The following CWC27 variants were observed in gnomAD, a reference collection of about 807,000 sequenced individuals.
The protein encoded by CWC27 is CWC27 spliceosome associated cyclophilin, also known as spliceosome-associated protein CWC27 homolog.
Under a neutral mutation model 63.6 loss-of-function variants are expected in CWC27, and 47 were observed. The observed-to-expected ratio is 0.74, with a 90% CI of 0.58 to 0.94. The LOEUF is 0.94. Among genes scored for constraint, CWC27 ranks in the 40% least tolerant of loss-of-function variants. CWC27 has a pLI of 0.00. For missense variants in CWC27, 495 were observed against 554.3 expected, an observed-to-expected ratio of 0.89 and a Z score of 1.07; for synonymous variants, 175 against 179.8, an observed-to-expected ratio of 0.97 and a Z score of 0.22.
chr5:64,868,602 T>C (rs1291459945), intron 10 of CWC27, among the ~76,000 whole-genome samples: 1 of 152,012 alleles, frequency 6.6e-6, no homozygotes, highest in Non-Finnish European at 1.5e-5. Context: ...AGACCAGCAA[T>C]CTGTGTTTTA....
intron 11 of CWC27, among the ~76,000 whole-genome samples, chr5:64,891,765 G>A (rs1747242562): frequency 7.2e-6 from 1 of 138,314 alleles, no homozygotes; most frequent in African/African-American, 2.8e-5. Context: ...GTGTTGCTTG[G>A]GATACTTTGT....
At chr5:64,949,135 A>C (rs1748651536) in intron 11 of CWC27, among the ~76,000 whole-genome samples, 1 of 151,522 alleles carries the variant, frequency 6.6e-6, no homozygotes, top group Non-Finnish European at 1.5e-5. Context: ...TTTTTTTTTT[A>C]GGAACCTTGG....
chr5:64,959,498 G>A (rs548640906), intron 11 of CWC27, among the ~76,000 whole-genome samples: 1 of 152,310 alleles, frequency 6.6e-6, no homozygotes, highest in East Asian at 1.9e-4. Flanking sequence ...CTCCTCAGGA[G>A]AGATGGTAAA....
At chr5:64,804,520 A>G in intron 10 of CWC27, 134 bp downstream of exon 10, 4 of 952,186 alleles carry the variant, frequency 4.2e-6, no homozygotes, top group Non-Finnish European at 4.5e-6. Flanking sequence ...CAGTTGTACA[A>G]ATTGGCCCAT....
Position 64,792,150 on chromosome 5 carries a change from C to G in CWC27, c.669+3130C>G, listed in dbSNP as rs537945814. The stretch of plus-strand genomic sequence containing the variant: ...TTCAAGATTCTGCTTTCATGACTGT[C>G]CTTCACCAACTCTGCTCTTTCGACT... On this transcript the variant is annotated intron_variant, in intron 7 of 13. Transcript: ENST00000381070. 7.2e-5 allele frequency among the ~76,000 whole-genome samples: 11 copies of G among 152,230 alleles called. No homozygotes were observed. In the East Asian group the frequency reaches 1.5e-3, roughly 21 times the overall value.
At chr5:64,965,050 T>C (rs978982136) in intron 11 of CWC27, among the ~76,000 whole-genome samples, 13 of 152,054 alleles carry the variant, frequency 8.5e-5, no homozygotes, top group Admixed American at 6.6e-5. Context: ...GATCGCGCCA[T>C]TGCACTCCAG....
Position 64,877,254 on chromosome 5 carries a change from T to A in CWC27, c.939-8189T>A, listed in dbSNP as rs78285404. 1.5e-3 allele frequency among the ~76,000 whole-genome samples: 230 copies of A among 152,122 alleles called. 4 individuals are homozygous for A. In the East Asian group the frequency reaches 0.04, roughly 26 times the overall value. ...GCCATAAAAGGATGAAATCCTATCA[T>A]TTGCAGCAACGTGGAAGGAACAAGA... On this transcript the variant is annotated intron_variant, in intron 10 of 13. Transcript: ENST00000381070.
intron 13 of CWC27, among the ~76,000 whole-genome samples, chr5:64,991,968 T>C (rs1489572224): frequency 6.6e-6 from 1 of 152,206 alleles, no homozygotes; most frequent in African/African-American, 2.4e-5. Context: ...ATAACCGACA[T>C]ACTAGGAACC....
chr5:65,003,700 T>C (rs1337255487), intron 13 of CWC27, among the ~76,000 whole-genome samples: 3 of 152,210 alleles, frequency 2.0e-5, no homozygotes, highest in Non-Finnish European at 4.4e-5. Context: ...ATCTGTTTTC[T>C]TTTAGCATTT....
At position 64,977,154 on chromosome 5, in the gene CWC27, A is replaced by G; in HGVS notation, c.1172A>G (p.Gln391Arg). Residue 391 changes from glutamine (Q) to arginine (R), a missense_variant, in exon 13 of 14, where the codon CAG (glutamine) becomes CGG (arginine). Gln to Arg is a conservative substitution (Grantham distance 43). Coordinates refer to ENST00000381070, the MANE Select transcript of CWC27 (RefSeq NM_005869.4). The part of the protein sequence containing the change: ...REDQTLALLN[Q>R]FKSKLTQAIA... ...TTTCAGACCCTTGCACTGCTGAACC[A>G]GTTTAAATCTAAACTCACTCAAGCA... 6.2e-7 allele frequency: 1 copy of G among 1,610,478 alleles called. No homozygotes were observed. The highest frequency in any genetic ancestry group is 8.5e-7 in the Non-Finnish European group (1 of 1,177,824).
intron 10 of CWC27, among the ~76,000 whole-genome samples, chr5:64,866,096 T>C (rs2112318061): frequency 6.6e-6 from 1 of 152,120 alleles, no homozygotes; most frequent in African/African-American, 2.4e-5. Flanking sequence ...GTCAAGGAGA[T>C]TTTTTAATTA....
chr5:64,864,079 AT>A (rs371835206), intron 10 of CWC27, among the ~76,000 whole-genome samples: 1 of 152,046 alleles, frequency 6.6e-6, no homozygotes, highest in African/African-American at 2.4e-5. Context: ...CATAATTCTT[AT>A]TTTTTTATTA....
At chr5:64,808,135 T>G in intron 10 of CWC27, 2 of 1,062,876 alleles carry the variant, frequency 1.9e-6, no homozygotes, top group South Asian at 6.4e-5. Flanking sequence ...TGGGAACTTG[T>G]TAGAAATACC....
chr5:64,882,355 A>T (rs1274879392), intron 10 of CWC27, among the ~76,000 whole-genome samples: 1 of 152,178 alleles, frequency 6.6e-6, no homozygotes, highest in Non-Finnish European at 1.5e-5. Context: ...GGACATAAAG[A>T]ATTTGTAATT....
intron 11 of CWC27, among the ~76,000 whole-genome samples, chr5:64,918,072 A>C (rs934045428): frequency 3.9e-5 from 6 of 152,182 alleles, no homozygotes; most frequent in African/African-American, 1.4e-4. Flanking sequence ...GTTTTTTAGC[A>C]TCTGAGTTTC....
chr5:64,799,251 G>T (rs1324510357), intron 7 of CWC27, among the ~76,000 whole-genome samples: 2 of 152,096 alleles, frequency 1.3e-5, no homozygotes, highest in African/African-American at 2.4e-5. Context: ...AGAAGAGAGG[G>T]TTAGCAATGC....
chr5:64,777,136 G>A (rs752835860), intron 2 of CWC27, among the ~76,000 whole-genome samples: 2 of 152,072 alleles, frequency 1.3e-5, no homozygotes, highest in Non-Finnish European at 2.9e-5. Context: ...GGGGAGCAGA[G>A]GGAGAAGTGG....
At chr5:64,786,282 A>G (rs1048384279) in intron 5 of CWC27, among the ~76,000 whole-genome samples, 8 of 152,012 alleles carry the variant, frequency 5.3e-5, no homozygotes, top group African/African-American at 1.4e-4. Context: ...TTTCTTAAAT[A>G]TTTTTCCCTT....
intron 10 of CWC27, among the ~76,000 whole-genome samples, chr5:64,871,510 AT>A (rs1438368050): frequency 6.6e-6 from 1 of 152,078 alleles, no homozygotes; most frequent in Admixed American, 6.6e-5. Flanking sequence ...AACTAACAGG[AT>A]TTTAGGATGT....
Sources: gnomAD v4.1 joint callset for allele counts (sites outside exome capture counted in the v4.1 genomes callset) on GRCh38, gnomAD v4.1.1 for gene constraint, MANE v1.5 for transcripts, NCBI Gene and HGNC (gene_info 2026-07-23, HGNC 2026-07-21) for gene names.